The following LRRC7 variants were observed in gnomAD, a reference collection of about 807,000 sequenced individuals.
LRRC7 encodes leucine-rich repeat-containing protein 7.
A neutral mutation model predicts 175.7 loss-of-function variants in LRRC7; 23 were observed. That is an observed-to-expected ratio of 0.13 (90% CI 0.09 to 0.19). The LOEUF (loss-of-function observed/expected upper bound fraction) is 0.19, where lower values mean the gene tolerates loss of function less well. Ranked by LOEUF, LRRC7 falls within the 10% of genes least tolerant of loss-of-function variation. The pLI is 1.00. For synonymous variants in LRRC7, 685 were observed against 680.9 expected, an observed-to-expected ratio of 1.01 and a Z score of -0.09; for missense variants, 1,354 against 1,904.7, an observed-to-expected ratio of 0.71 and a Z score of 5.38.
intron 2 of LRRC7, among the ~76,000 whole-genome samples, chr1:69,750,093 T>TAAATTAATA (rs139997047): frequency 4.2e-5 from 6 of 142,202 alleles, no homozygotes; most frequent in Non-Finnish European, 7.6e-5. Flanking sequence ...AATAAATAAA[T>TAAATTAATA]AATAATAACT....
At chr1:69,942,092 C>T (rs184287391) in intron 8 of LRRC7, among the ~76,000 whole-genome samples, 1 of 152,224 alleles carries the variant, frequency 6.6e-6, no homozygotes, top group Non-Finnish European at 1.5e-5. Context: ...TCTGGCCCTG[C>T]ACCTTCATGT....
intron 1 of LRRC7, among the ~76,000 whole-genome samples, chr1:69,577,938 G>A (rs957403961): frequency 2.6e-5 from 4 of 152,090 alleles, no homozygotes; most frequent in African/African-American, 9.7e-5. Flanking sequence ...TAGCTTGATG[G>A]GGATAGCATT....
At chr1:69,682,185 C>T (rs969880651) in intron 2 of LRRC7, among the ~76,000 whole-genome samples, 4 of 152,084 alleles carry the variant, frequency 2.6e-5, no homozygotes, top group Non-Finnish European at 5.9e-5. Flanking sequence ...CCAATTTACT[C>T]CCTCTTCTCA....
At chr1:69,882,335 T>TG (rs1169392844) in intron 7 of LRRC7, among the ~76,000 whole-genome samples, 1 of 152,154 alleles carries the variant, frequency 6.6e-6, no homozygotes, top group Non-Finnish European at 1.5e-5. Context: ...AACTACCATA[T>TG]GATCCAGCAA....
intron 22 of LRRC7, 76 bp downstream of exon 22, chr1:70,044,170 C>T: frequency 2.7e-6 from 4 of 1,495,010 alleles, no homozygotes; most frequent in Non-Finnish European, 3.7e-6. Context: ...TGTGTTTAGG[C>T]TATACATACA....
intron 7 of LRRC7, among the ~76,000 whole-genome samples, chr1:69,911,954 A>G (rs1646544843): frequency 6.6e-6 from 1 of 152,216 alleles, no homozygotes; most frequent in Admixed American, 6.5e-5. Flanking sequence ...TAAAAATACA[A>G]GTAAGAAAAC....
chr1:69,823,801 T>A (rs770413500), intron 4 of LRRC7, among the ~76,000 whole-genome samples: 4 of 152,174 alleles, frequency 2.6e-5, no homozygotes, highest in Non-Finnish European at 2.9e-5. Flanking sequence ...TGCTTTTCTG[T>A]ATAATCTCTT....
At chr1:69,651,978 G>T (rs577520695) in intron 1 of LRRC7, among the ~76,000 whole-genome samples, 1 of 152,164 alleles carries the variant, frequency 6.6e-6, no homozygotes, top group African/African-American at 2.4e-5. Flanking sequence ...TACACAACTT[G>T]AAGCTTCTCC....
chr1:69,809,544 G>A (rs765127286), intron 4 of LRRC7, among the ~76,000 whole-genome samples: 3 of 152,194 alleles, frequency 2.0e-5, no homozygotes, highest in East Asian at 1.9e-4. Context: ...CTGGCAAGCC[G>A]AATCCAGCAG....
chr1:70,071,867 G>T (rs1268180991), intron 23 of LRRC7, among the ~76,000 whole-genome samples: 1 of 152,084 alleles, frequency 6.6e-6, no homozygotes, highest in Non-Finnish European at 1.5e-5. Context: ...TAAAAGACCA[G>T]TGTAAACCAA....
At chr1:69,650,368 G>A (rs1655619907) in intron 1 of LRRC7, among the ~76,000 whole-genome samples, 1 of 151,468 alleles carries the variant, frequency 6.6e-6, no homozygotes, top group Non-Finnish European at 1.5e-5. Flanking sequence ...GTGAAAACCC[G>A]TCTCTACTAA....
chr1:69,824,440 C>T (rs1202625817), intron 4 of LRRC7, among the ~76,000 whole-genome samples: 1 of 152,066 alleles, frequency 6.6e-6, no homozygotes, highest in African/African-American at 2.4e-5. Context: ...AATTCATACA[C>T]AATGGAGCTC....
chr1:70,038,260 T>G lies in LRRC7; in HGVS notation c.2436T>G (p.Tyr812Ter). The change falls in exon 21 of 27, where the codon TAT becomes TAG. Residue 812 changes from tyrosine to a stop codon, truncating the protein, a stop_gained. Coordinates refer to ENST00000651989, the MANE Select transcript of LRRC7 (RefSeq NM_001370785.2). LOFTEE classifies it high-confidence loss of function. Reference sequence around the variant, plus strand: ...ACAACTGGACTGATGGCTCGCATTATGACAACACAGGGTTTGTTGCTGAGG... The same window carrying G: ...ACAACTGGACTGATGGCTCGCATTAGGACAACACAGGGTTTGTTGCTGAGG... ...FTDNWTDGSH[Y>*]DNTGFVAEET... The G allele has an allele frequency of 6.2e-7, 1 of 1,614,172 alleles. No individual in the cohort carries two copies. The highest frequency in any genetic ancestry group is 8.5e-7 in the Non-Finnish European group (1 of 1,180,020).
intron 26 of LRRC7, among the ~76,000 whole-genome samples, chr1:70,118,275 G>A (rs1298303620): frequency 1.3e-5 from 2 of 151,666 alleles, no homozygotes; most frequent in Non-Finnish European, 2.9e-5. Context: ...AATTCATTTT[G>A]CTCTTCTGTC....
Position 69,732,147 on chromosome 1 carries a change from GTAA to G in LRRC7, c.101-28036_101-28034del, listed in dbSNP as rs560098665. ...TTACAAAAGTAATTCCAATTTAGTA[GTAA>G]TAATAATTAGCTAGTTTTTAAAATA... On this transcript the variant is annotated intron_variant, in intron 2 of 26. Transcript: ENST00000651989. 1.2e-3 allele frequency among the ~76,000 whole-genome samples: 187 copies of G among 151,998 alleles called. 1 individual carries two copies. In the Middle Eastern group the frequency reaches 0.044, roughly 36 times the overall value.
intron 7 of LRRC7, among the ~76,000 whole-genome samples, chr1:69,886,575 TG>T (rs1645626912): frequency 6.6e-6 from 1 of 150,990 alleles, no homozygotes; most frequent in Non-Finnish European, 1.5e-5. Context: ...TTATCCAATT[TG>T]CCAGTCTGTG....
intron 26 of LRRC7, among the ~76,000 whole-genome samples, chr1:70,110,322 G>C (rs1665438869): frequency 1.3e-5 from 2 of 152,172 alleles, no homozygotes; most frequent in African/African-American, 2.4e-5. Context: ...GGAGGCTGTA[G>C]TGAGCTGTGA....
chr1:69,848,308 C>G (rs1314281802), intron 7 of LRRC7, among the ~76,000 whole-genome samples: 1 of 152,048 alleles, frequency 6.6e-6, no homozygotes, highest in African/African-American at 2.4e-5. Context: ...AACTGCTGAG[C>G]AGTGTGCTTT....
At chr1:69,951,745 T>A (rs1006760264) in intron 8 of LRRC7, among the ~76,000 whole-genome samples, 1 of 151,888 alleles carries the variant, frequency 6.6e-6, no homozygotes, top group African/African-American at 2.4e-5. Context: ...TAATGAGAAC[T>A]TATGAACACA....
Sources: gnomAD v4.1 joint callset for allele counts (sites outside exome capture counted in the v4.1 genomes callset) on GRCh38, gnomAD v4.1.1 for gene constraint, MANE v1.5 for transcripts, NCBI Gene and HGNC (gene_info 2026-07-23, HGNC 2026-07-21) for gene names.